The following PLAAT1 variants were observed in gnomAD, a reference collection of about 807,000 sequenced individuals.
The protein encoded by PLAAT1 is phospholipase A and acyltransferase 1, also known as H-REV107 protein-related protein.
A neutral mutation model predicts 16.4 loss-of-function variants in PLAAT1; 13 were observed. The observed-to-expected ratio is 0.79, with a 90% CI of 0.52 to 1.26. PLAAT1 has a LOEUF of 1.26. Ranked by LOEUF, PLAAT1 falls within the 50% of genes most tolerant of loss-of-function variation. PLAAT1 has a pLI of 0.00. For synonymous variants in PLAAT1, 73 were observed against 78.4 expected, an observed-to-expected ratio of 0.93 and a Z score of 0.36; for missense variants, 218 against 207.8, an observed-to-expected ratio of 1.05 and a Z score of -0.30.
At position 193,270,854 on chromosome 3, in the gene PLAAT1, T is replaced by C; in HGVS notation, c.*149T>C. On this transcript the variant is annotated 3_prime_UTR_variant, in exon 4 of 4. Coordinates refer to ENST00000264735, the MANE Select transcript of PLAAT1 (RefSeq NM_020386.5). ...AATAAATTGCTTACTGATATTATCT[T>C]ATCATTGAGCCAATGAAATTTTTTT... is the stretch of plus-strand genomic sequence containing the variant. The C allele has an allele frequency of 7.5e-7, 1 of 1,325,212 alleles. No homozygotes were observed. The highest frequency in any genetic ancestry group is 2.6e-4 in the Middle Eastern group (1 of 3,884). 82.1% of individuals were successfully genotyped at this position (1,325,212 alleles called of 1,614,324 possible). A position where few individuals can be genotyped will look rare whatever the true frequency, so the allele number is the denominator to read the frequency against.
chr3:193,277,145 A>G (rs1389329776), intron 2 of PLAAT1, among the ~76,000 whole-genome samples: 2 of 152,320 alleles, frequency 1.3e-5, no homozygotes, highest in Middle Eastern at 3.4e-3. Flanking sequence ...CTCCATTTTT[A>G]TCTTTTCAAA....
chr3:193,252,315 C>G (rs1716222357), intron 1 of PLAAT1, among the ~76,000 whole-genome samples: 1 of 152,122 alleles, frequency 6.6e-6, no homozygotes. Context: ...CCCACCAGAC[C>G]CCACCTCCAA....
At chr3:193,274,535 G>T (rs1303459262), downstream of PLAAT1, among the ~76,000 whole-genome samples, 2 of 152,124 alleles carry the variant, frequency 1.3e-5, no homozygotes, top group Non-Finnish European at 2.9e-5. Context: ...TTTCCGAAAG[G>T]GTTGAATTTC....
downstream of PLAAT1, chr3:193,279,363 T>TGA (rs753967075): frequency 6.2e-7 from 1 of 1,610,722 alleles, no homozygotes; most frequent in Non-Finnish European, 8.5e-7. Context: ...GAATGCCACT[T>TGA]ACCTCCATTC....
chr3:193,255,910 C>G, intron 2 of PLAAT1, 121 bp downstream of exon 2: 1 of 905,078 alleles, frequency 1.1e-6, no homozygotes, highest in Non-Finnish European at 1.5e-6. Flanking sequence ...GCAGATAAAT[C>G]CAACTAATCT....
chr3:193,263,379 G>A lies in PLAAT1; in HGVS notation c.405+144G>A, dbSNP rs190913607. 1.7e-5 allele frequency: 13 copies of A among 751,856 alleles called. No individual in the cohort carries two copies. The East Asian group carries it at 3.0e-4, about 17-fold the overall frequency. The allele number at this position is 751,856 out of a possible 1,614,324, so 46.6% of individuals were successfully genotyped here. A position where few individuals can be genotyped will look rare whatever the true frequency, so the allele number is the denominator to read the frequency against. On this transcript the variant is annotated intron_variant, in intron 3 of 3. Coordinates refer to ENST00000264735, the MANE Select transcript of PLAAT1 (RefSeq NM_020386.5). ...AGAGAATGGACTTGAGTTGTCCAAGGTCCTGCAACAAGTTAATAACCAAAC... is the reference window on the plus strand; with the variant it reads ...AGAGAATGGACTTGAGTTGTCCAAGATCCTGCAACAAGTTAATAACCAAAC...
rs375417994 is a variant in PLAAT1, at chr3:193,270,581, G to A, written c.406-23G>A. 3.1e-5 allele frequency: 50 copies of A among 1,600,254 alleles called. No individual in the cohort carries two copies. In the African/African-American group the frequency reaches 6.5e-4, roughly 21 times the overall value. On this transcript the variant is annotated intron_variant, in intron 3 of 3. Coordinates refer to ENST00000264735, the MANE Select transcript of PLAAT1 (RefSeq NM_020386.5). ...GTCTTTAGAATATGATGTGTTTTTT[G>A]TTTACTTCTTGTTTCCTTATAGGCC...
At chr3:193,275,425 A>G (rs1214159837), downstream of PLAAT1, 1 of 1,109,120 alleles carries the variant, frequency 9.0e-7, no homozygotes, top group African/African-American at 1.6e-5. Context: ...TTGCTGTTGC[A>G]TCTACCTCTC....
chr3:193,268,921 G>A (rs928452580), intron 3 of PLAAT1, among the ~76,000 whole-genome samples: 4 of 152,046 alleles, frequency 2.6e-5, no homozygotes, highest in Admixed American at 6.6e-5. Flanking sequence ...TCCAAGGGCC[G>A]TACCCTGCTA....
intron 3 of PLAAT1, among the ~76,000 whole-genome samples, chr3:193,269,376 C>T (rs534946955): frequency 6.6e-6 from 1 of 152,226 alleles, no homozygotes; most frequent in Non-Finnish European, 1.5e-5. Context: ...GGCCTAGTCT[C>T]TGCCCACCAC....
In PLAAT1 at chr3:193,255,549, G is replaced by A. The variant is rs1473322844; in HGVS notation, c.1-102G>A. The stretch of plus-strand genomic sequence containing the variant: ...TTCTAAGTCTTTAATATAGAATGCA[G>A]TCTCAATAAATTCTGTATCATTCTG... On this transcript the variant is annotated intron_variant, in intron 1 of 3. Coordinates refer to ENST00000264735, the MANE Select transcript of PLAAT1 (RefSeq NM_020386.5). 5 of 1,164,014 alleles carry A rather than the reference G, an allele frequency of 4.3e-6. No individual in the cohort carries two copies. The East Asian group carries it at 1.2e-4, about 28-fold the overall frequency. The allele number at this position is 1,164,014 out of a possible 1,614,324, so 72.1% of individuals were successfully genotyped here.
chr3:193,264,429 T>C (rs1716702746), intron 3 of PLAAT1, among the ~76,000 whole-genome samples: 1 of 152,220 alleles, frequency 6.6e-6, no homozygotes, highest in African/African-American at 2.4e-5. Flanking sequence ...TTATTGGCCA[T>C]TCGTATATCA....
At chr3:193,252,092 G>A (rs1443126167) in intron 1 of PLAAT1, among the ~76,000 whole-genome samples, 1 of 152,158 alleles carries the variant, frequency 6.6e-6, no homozygotes, top group African/African-American at 2.4e-5. Context: ...CAGGATGCAT[G>A]GTGCTGGTAT....
Position 193,245,616 on chromosome 3 carries a change from C to A in PLAAT1, c.-1+4083C>A, listed in dbSNP as rs187446393. Among the ~76,000 whole-genome samples the A allele has an allele frequency of 1.9e-4, 29 of 152,282 alleles. No individual in the cohort carries two copies. The East Asian group carries it at 4.8e-3, about 25-fold the overall frequency. The stretch of plus-strand genomic sequence containing the variant: ...TTTAGTTTTTTAGGAAACTTCCATA[C>A]TATTTTCCAAAATGGCTAAACCAAT... On this transcript the variant is annotated intron_variant, in intron 1 of 3. Transcript: ENST00000264735.
In PLAAT1 at chr3:193,270,814, G is replaced by T; in HGVS notation, c.*109G>T. 2 of 1,415,708 alleles carry T rather than the reference G, an allele frequency of 1.4e-6. No homozygotes were observed. Among genetic ancestry groups the T allele is most frequent in the Non-Finnish European group, 1.8e-6 (2 of 1,081,348 alleles). The allele number at this position is 1,415,708 out of a possible 1,614,324, so 87.7% of individuals were successfully genotyped here. On this transcript the variant is annotated 3_prime_UTR_variant, in exon 4 of 4. Coordinates refer to ENST00000264735, the MANE Select transcript of PLAAT1 (RefSeq NM_020386.5). ...ATTACTGTTCCAGATTCCTATGATG[G>T]ATGGCAGACTCTTTAATAAATTGCT... is the stretch of plus-strand genomic sequence containing the variant.
chr3:193,243,572 A>G (rs1275243816), intron 1 of PLAAT1, among the ~76,000 whole-genome samples: 1 of 152,220 alleles, frequency 6.6e-6, no homozygotes, highest in East Asian at 1.9e-4. Context: ...GTATTTGAGA[A>G]GGGGAAAAAA....
chr3:193,272,420 C>T (rs147070984), downstream of PLAAT1, among the ~76,000 whole-genome samples: 907 of 152,000 alleles, frequency 6.0e-3, 27 homozygotes, highest in East Asian at 0.089. Flanking sequence ...CCAGCCTGGG[C>T]GACGACAGAG....
chr3:193,251,942 C>T lies in PLAAT1; in HGVS notation c.1-3709C>T, dbSNP rs80235597. 6.2e-3 allele frequency among the ~76,000 whole-genome samples: 948 copies of T among 152,176 alleles called. 3 individuals are homozygous for T. The highest frequency in any genetic ancestry group is 0.01 in the Middle Eastern group (3 of 294). On this transcript the variant is annotated intron_variant, in intron 1 of 3. Coordinates refer to ENST00000264735, the MANE Select transcript of PLAAT1 (RefSeq NM_020386.5). ...ATTGTGGTTTTAATTTTGCATTTTC[C>T]TAATGACTAATGGCTTCCTTGACAT...
rs1716630910 is a variant in PLAAT1 at position 193,262,713 on chromosome 3, C to T, written c.140-257C>T. On this transcript the variant is annotated intron_variant, in intron 2 of 3. Coordinates refer to ENST00000264735, the MANE Select transcript of PLAAT1 (RefSeq NM_020386.5). ...ATTTTCCAAGGATGAGTAGCGTATT[C>T]TCATCCAATTTGTTCTATGGGAACA... Among the ~76,000 whole-genome samples the T allele has an allele frequency of 2.6e-5, 4 of 152,192 alleles. No homozygotes were observed. In the South Asian group the frequency reaches 8.3e-4, roughly 31 times the overall value.
Sources: gnomAD v4.1 joint callset for allele counts (sites outside exome capture counted in the v4.1 genomes callset) on GRCh38, gnomAD v4.1.1 for gene constraint, MANE v1.5 for transcripts, NCBI Gene and HGNC (gene_info 2026-07-23, HGNC 2026-07-21) for gene names.